ZDHHC11B: variants seen among roughly 807,000 people sequenced by gnomAD.
ZDHHC11B encodes zDHHC palmitoyltransferase 11B (putative), also known as probable palmitoyltransferase ZDHHC11B.
In ZDHHC11B, 17 loss-of-function variants were observed where a neutral mutation model predicts 42.3. That is an observed-to-expected ratio of 0.40 (90% CI 0.27 to 0.60). ZDHHC11B has a LOEUF of 0.60. ZDHHC11B is among the 20% of genes least tolerant of loss of function. The pLI, the probability that ZDHHC11B is intolerant of heterozygous loss-of-function variation, is 0.41. For missense variants in ZDHHC11B, 262 were observed against 463.2 expected (o/e 0.57, Z 3.99); for synonymous variants, 123 against 193.5 (o/e 0.64, Z 3.02).
At chr5:779,190 C>T (rs1314977704) in intron 1 of ZDHHC11B, among the ~76,000 whole-genome samples, 22 of 151,498 alleles carry the variant, frequency 1.5e-4, no homozygotes, top group African/African-American at 5.4e-4. Context: ...ACAACTGGAG[C>T]CACCAGAAGC....
chr5:729,598 G>A (rs1742859477), intron 12 of ZDHHC11B, among the ~76,000 whole-genome samples: 1 of 151,164 alleles, frequency 6.6e-6, no homozygotes, highest in Admixed American at 6.6e-5. Context: ...GGTGGTTTGA[G>A]CCAATGACTC....
intron 4 of ZDHHC11B, among the ~76,000 whole-genome samples, chr5:763,662 T>C (rs1734915414): frequency 6.6e-6 from 1 of 151,708 alleles, no homozygotes; most frequent in African/African-American, 2.4e-5. Context: ...GGGCTCCTGA[T>C]GTGAGCCACG....
intron 12 of ZDHHC11B, among the ~76,000 whole-genome samples, chr5:729,824 AG>A (rs1262899491): frequency 6.6e-6 from 1 of 151,880 alleles, no homozygotes; most frequent in Non-Finnish European, 1.5e-5. Flanking sequence ...ATGTGTGAGT[AG>A]ATTTCCTATT....
At chr5:773,940 G>A (rs1436529999) in intron 1 of ZDHHC11B, among the ~76,000 whole-genome samples, 1 of 151,926 alleles carries the variant, frequency 6.6e-6, no homozygotes, top group East Asian at 1.9e-4. Flanking sequence ...GGCTTGAAGA[G>A]GACAGAAGAT....
intron 10 of ZDHHC11B, among the ~76,000 whole-genome samples, chr5:736,581 T>C (rs1331260869): frequency 2.7e-5 from 4 of 146,774 alleles, no homozygotes; most frequent in African/African-American, 1.0e-4. Context: ...ACAAAACAAG[T>C]TTCAATGAAT....
At chr5:779,332 TTGTC>T (rs1248763982) in intron 1 of ZDHHC11B, among the ~76,000 whole-genome samples, 1 of 149,750 alleles carries the variant, frequency 6.7e-6, no homozygotes, top group Non-Finnish European at 1.5e-5. Context: ...ACTGTGTCAA[TTGTC>T]AGAAGCCTCT....
At chr5:783,420 C>T (rs1737002496) in intron 1 of ZDHHC11B, among the ~76,000 whole-genome samples, 4 of 152,368 alleles carry the variant, frequency 2.6e-5, no homozygotes, top group African/African-American at 9.6e-5. Context: ...AGCTGGGTCA[C>T]CTCCCAGGGG....
intron 6 of ZDHHC11B, among the ~76,000 whole-genome samples, chr5:752,647 C>T (rs1462150033): frequency 2.0e-5 from 2 of 97,928 alleles, no homozygotes; most frequent in Non-Finnish European, 4.8e-5. Flanking sequence ...GCCTTCCCCG[C>T]GCTCCTCCTC....
intron 1 of ZDHHC11B, among the ~76,000 whole-genome samples, chr5:777,543 G>A (rs900854132): frequency 5.3e-5 from 8 of 152,000 alleles, no homozygotes; most frequent in South Asian, 4.2e-4. Context: ...AGAGAATGGA[G>A]TCAGGTTGCG....
intron 8 of ZDHHC11B, among the ~76,000 whole-genome samples, chr5:746,090 A>G (rs1372114401): frequency 6.7e-6 from 1 of 149,232 alleles, no homozygotes; most frequent in African/African-American, 2.5e-5. Flanking sequence ...CGTTTATCTA[A>G]AAGAGCCGTC....
chr5:760,465 A>G (rs1190283150), intron 4 of ZDHHC11B, among the ~76,000 whole-genome samples: 1 of 151,506 alleles, frequency 6.6e-6, no homozygotes. Flanking sequence ...CTTCAGGGGG[A>G]GCAGTGTGCA....
At chr5:783,828 CCTCCCAAACCCCATCAAAACAGCAG>C (rs1737050960) in intron 1 of ZDHHC11B, among the ~76,000 whole-genome samples, 1 of 101,138 alleles carries the variant, frequency 9.9e-6, no homozygotes, top group Admixed American at 1.1e-4. Context: ...AAAACAGCAG[CCTCCCAAACCCCATCAAAACAGCAG>C]CCCCCCAAGC....
chr5:776,512 T>C (rs1172281575), intron 1 of ZDHHC11B, among the ~76,000 whole-genome samples: 1 of 151,902 alleles, frequency 6.6e-6, no homozygotes, highest in Non-Finnish European at 1.5e-5. Flanking sequence ...GCAAGGCGCC[T>C]GCTGGGCCCA....
intron 4 of ZDHHC11B, among the ~76,000 whole-genome samples, chr5:759,206 A>T (rs1734248387): frequency 6.6e-6 from 1 of 151,860 alleles, no homozygotes; most frequent in African/African-American, 2.4e-5. Flanking sequence ...CCCTAGCAAC[A>T]ATCTGTATTT....
At chr5:718,695 CAA>C (rs34009409) in intron 12 of ZDHHC11B, among the ~76,000 whole-genome samples, 10 of 117,138 alleles carry the variant, frequency 8.5e-5, no homozygotes, top group African/African-American at 1.3e-4. Flanking sequence ...GACTCTGTCT[CAA>C]AAAAAAAAAA....
At chr5:772,536 C>T (rs1358418416) in intron 1 of ZDHHC11B, among the ~76,000 whole-genome samples, 1 of 151,170 alleles carries the variant, frequency 6.6e-6, no homozygotes, top group Non-Finnish European at 1.5e-5. Flanking sequence ...TGGCCACACC[C>T]CCTGCGGAGG....
intron 13 of ZDHHC11B, 82 bp downstream of exon 13, chr5:716,719 A>G: frequency 6.3e-7 from 1 of 1,581,306 alleles, no homozygotes; most frequent in Non-Finnish European, 8.7e-7. Context: ...TGCACTGGTG[A>G]TTTTTTAAAG....
chr5:750,442 G>A (rs55960370), intron 7 of ZDHHC11B, among the ~76,000 whole-genome samples: 3 of 141,346 alleles, frequency 2.1e-5, no homozygotes, highest in East Asian at 2.5e-4. Context: ...TCCCCTCTGC[G>A]TCTCTCCTTT....
In ZDHHC11B at chr5:765,395, C is replaced by G. The variant is rs1471155654; in HGVS notation, c.222+1303G>C. On this transcript the variant is annotated intron_variant, in intron 4 of 13. Transcript: ENST00000508859. ...TCTAGCTCAAGGTTTGTAAATGCAC[C>G]AATCAGTGCTCTGTGGGGACTTGGA... Among the ~76,000 whole-genome samples the G allele has an allele frequency of 3.0e-4, 45 of 151,982 alleles. 1 individual carries two copies. The highest frequency in any genetic ancestry group is 1.1e-3 in the African/African-American group (45 of 41,444).
Sources: allele counts gnomAD v4.1 joint callset (sites outside exome capture counted in the v4.1 genomes callset), GRCh38; gene constraint gnomAD v4.1.1; transcripts MANE v1.5; gene names NCBI Gene and HGNC (gene_info 2026-07-23, HGNC 2026-07-21).